Variants in L3MBTL4 observed in about 807,000 individuals in gnomAD.
The protein encoded by L3MBTL4 is L3MBTL histone methyl-lysine binding protein 4, also known as lethal(3)malignant brain tumor-like protein 4.
Under a neutral mutation model 84.5 loss-of-function variants are expected in L3MBTL4, and 70 were observed. The observed-to-expected ratio is 0.83, with a 90% CI of 0.68 to 1.01. L3MBTL4 has a LOEUF of 1.01. Ranked by LOEUF, L3MBTL4 falls within the 50% of genes least tolerant of loss-of-function variation. The pLI, the probability that L3MBTL4 is intolerant of heterozygous loss-of-function variation, is 0.00. For missense variants in L3MBTL4, 715 were observed against 754.8 expected (o/e 0.95, Z 0.62); for synonymous variants, 274 against 259.8 (o/e 1.05, Z -0.52).
At chr18:6,156,843 C>G (rs2043125685) in intron 13 of L3MBTL4, among the ~76,000 whole-genome samples, 1 of 152,162 alleles carries the variant, frequency 6.6e-6, no homozygotes, top group South Asian at 2.1e-4. Flanking sequence ...ATGACAGAAA[C>G]TGCTATGCCA....
chr18:6,155,416 CT>C (rs1455444118), intron 13 of L3MBTL4, among the ~76,000 whole-genome samples: 1 of 152,178 alleles, frequency 6.6e-6, no homozygotes, highest in East Asian at 1.9e-4. Flanking sequence ...GACTTTGTAT[CT>C]GCAACACCTA....
chr18:6,251,687 TA>T (rs759600605), intron 5 of L3MBTL4, among the ~76,000 whole-genome samples: 94 of 152,332 alleles, frequency 6.2e-4, no homozygotes, highest in Non-Finnish European at 1.0e-3. Context: ...TTTAACTTTT[TA>T]TTTCATAATT....
In L3MBTL4 at chr18:5,979,554, T is replaced by C. The variant is rs542679644; in HGVS notation, c.1445-9992A>G. ...TAACACAGCAGTCTCAGAGACACAA[T>C]GTAACTTGACAAAAGTGATTCAGCA... is the stretch of plus-strand genomic sequence containing the variant. On this transcript the variant is annotated intron_variant, in intron 16 of 18. Coordinates refer to ENST00000317931, the MANE Select transcript of L3MBTL4 (RefSeq NM_001330559.2). Among the ~76,000 whole-genome samples the C allele has an allele frequency of 2.6e-5, 4 of 152,266 alleles. No homozygotes were observed. The East Asian group carries it at 7.7e-4, about 29-fold the overall frequency.
chr18:6,230,863 G>A (rs2046971264), intron 10 of L3MBTL4, among the ~76,000 whole-genome samples: 1 of 151,866 alleles, frequency 6.6e-6, no homozygotes, highest in Non-Finnish European at 1.5e-5. Flanking sequence ...TCATATGCTT[G>A]TCAGCTACAT....
chr18:6,028,329 G>A (rs1598478149), intron 16 of L3MBTL4, among the ~76,000 whole-genome samples: 1 of 152,112 alleles, frequency 6.6e-6, no homozygotes, highest in Non-Finnish European at 1.5e-5. Context: ...CAGGTTTGTT[G>A]AAGATCAAAT....
chr18:6,066,845 C>A (rs944068238), intron 16 of L3MBTL4, among the ~76,000 whole-genome samples: 6 of 150,034 alleles, frequency 4.0e-5, no homozygotes, highest in African/African-American at 1.5e-4. Context: ...ACACTTAGGC[C>A]GTTTACGTTC....
chr18:6,401,425 CA>C (rs2055506703), intron 1 of L3MBTL4, among the ~76,000 whole-genome samples: 1 of 152,140 alleles, frequency 6.6e-6, no homozygotes, highest in Non-Finnish European at 1.5e-5. Context: ...ACAGCATATT[CA>C]CACTGTAAGA....
intron 16 of L3MBTL4, among the ~76,000 whole-genome samples, chr18:6,023,364 T>G (rs1472869499): frequency 6.6e-6 from 1 of 152,170 alleles, no homozygotes; most frequent in African/African-American, 2.4e-5. Flanking sequence ...TTTTTAATAG[T>G]CCTTAAAACG....
chr18:6,170,740 G>C (rs528454182), intron 13 of L3MBTL4, among the ~76,000 whole-genome samples: 5 of 148,638 alleles, frequency 3.4e-5, no homozygotes, highest in Admixed American at 2.0e-4. Context: ...GGGTGTATTG[G>C]GGGGGGTTCA....
rs1226962762 is a variant in L3MBTL4, at chr18:5,958,124, GAAGAAA to G, written c.1678-1743_1678-1738del. ...AGAAGAAGAAGAAGAAGAAGAAGAA[GAAGAAA>G]AAGAAGAAGAAGAAGAAGAAGAAGA... On this transcript the variant is annotated intron_variant, in intron 18 of 18. Transcript: ENST00000317931. Among the ~76,000 whole-genome samples, 212 of 50,600 alleles carry G rather than the reference GAAGAAA, an allele frequency of 4.2e-3. 2 individuals carry two copies. The highest frequency in any genetic ancestry group is 9.4e-3 in the African/African-American group (134 of 14,278). The allele number at this position is 50,600 out of a possible 152,430, so 33.2% of individuals were successfully genotyped here.
At chr18:6,209,629 C>A (rs935257566) in intron 12 of L3MBTL4, among the ~76,000 whole-genome samples, 9 of 152,132 alleles carry the variant, frequency 5.9e-5, no homozygotes, top group African/African-American at 1.9e-4. Context: ...TATGACCCAG[C>A]AATTCCACTC....
At chr18:6,389,148 C>T (rs779975393) in intron 1 of L3MBTL4, among the ~76,000 whole-genome samples, 3 of 152,170 alleles carry the variant, frequency 2.0e-5, no homozygotes, top group Non-Finnish European at 4.4e-5. Flanking sequence ...CCTTTACCCT[C>T]ATTAAACAGA....
Position 5,990,770 on chromosome 18 carries a change from G to GTGTGTGT in L3MBTL4, c.1445-21209_1445-21208insACACACA, listed in dbSNP as rs1567956295. Among the ~76,000 whole-genome samples, 1,080 of 142,360 alleles carry GTGTGTGT rather than the reference G, an allele frequency of 7.6e-3. 15 individuals are homozygous for GTGTGTGT. The highest frequency in any genetic ancestry group is 0.025 in the East Asian group (125 of 4,968). The allele number at this position is 142,360 out of a possible 152,430, so 93.4% of individuals were successfully genotyped here. A position where few individuals can be genotyped will look rare whatever the true frequency, so the allele number is the denominator to read the frequency against. On this transcript the variant is annotated intron_variant, in intron 16 of 18. Transcript: ENST00000317931. ...TTCAAACTTTAGTAGGGTTCATGTG[G>GTGTGTGT]GTGTGTGTGTGTGTGTGTGTGTGTG...
intron 1 of L3MBTL4, among the ~76,000 whole-genome samples, chr18:6,402,669 A>G (rs536162827): frequency 1.7e-3 from 258 of 152,238 alleles, no homozygotes; most frequent in Middle Eastern, 6.8e-3. Context: ...ATTGACTGTG[A>G]CTAATTTAGA....
Position 6,244,489 on chromosome 18 carries a change from C to T in L3MBTL4, c.319G>A (p.Ala107Thr). 6.2e-7 allele frequency: 1 copy of T among 1,607,804 alleles called. No individual in the cohort carries two copies. The highest frequency in any genetic ancestry group is 8.5e-7 in the Non-Finnish European group (1 of 1,174,386). The change falls in exon 6 of 19, where the codon GCG becomes ACG. Residue 107 changes from alanine (A) to threonine (T), a missense_variant. Transcript: ENST00000317931. ...ACAGTAACACCACCTCTTACCTCCGCTACAGAAAGCACACAGAATACCGAT... is the reference window on the plus strand; with the variant it reads ...ACAGTAACACCACCTCTTACCTCCGTTACAGAAAGCACACAGAATACCGAT... ...HPSVFCVLSV[A>T]EVCGYRLRLH...
chr18:6,387,186 TGA>T (rs34501986), intron 1 of L3MBTL4, among the ~76,000 whole-genome samples: 172 of 152,314 alleles, frequency 1.1e-3, no homozygotes, highest in African/African-American at 3.8e-3. Context: ...TCCTCCAAAT[TGA>T]GGTCTGGGAA....
chr18:6,297,624 G>C (rs1294082323), intron 4 of L3MBTL4, among the ~76,000 whole-genome samples: 3 of 152,098 alleles, frequency 2.0e-5, no homozygotes, highest in Non-Finnish European at 4.4e-5. Flanking sequence ...TTTAGTTCAG[G>C]AGTTTCTGAA....
At chr18:6,235,435 C>A (rs2047178809) in intron 10 of L3MBTL4, among the ~76,000 whole-genome samples, 1 of 152,222 alleles carries the variant, frequency 6.6e-6, no homozygotes, top group South Asian at 2.1e-4. Context: ...ACCAAATGTT[C>A]ATCCACAAAT....
At chr18:6,168,430 C>T (rs2043793249) in intron 13 of L3MBTL4, among the ~76,000 whole-genome samples, 1 of 151,654 alleles carries the variant, frequency 6.6e-6, no homozygotes, top group African/African-American at 2.4e-5. Context: ...TCAAACTATA[C>T]TACAAGGCTA....
Sources: gnomAD v4.1 joint callset for allele counts (sites outside exome capture counted in the v4.1 genomes callset) on GRCh38, gnomAD v4.1.1 for gene constraint, MANE v1.5 for transcripts, NCBI Gene and HGNC (gene_info 2026-07-23, HGNC 2026-07-21) for gene names.